Variants in IQCH observed in about 807,000 individuals in gnomAD.
IQCH encodes the protein IQ motif containing H.
A neutral mutation model predicts 117.0 loss-of-function variants in IQCH; 98 were observed. That is an observed-to-expected ratio of 0.84 (90% CI 0.71 to 0.99). IQCH has a LOEUF of 0.99. Ranked by LOEUF, IQCH falls within the 50% of genes least tolerant of loss-of-function variation. The pLI, the probability that IQCH is intolerant of heterozygous loss-of-function variation, is 0.00. For missense variants in IQCH, 1,102 were observed against 1,243.8 expected, an observed-to-expected ratio of 0.89 and a Z score of 1.72; for synonymous variants, 412 against 448.2, an observed-to-expected ratio of 0.92 and a Z score of 1.02.
intron 4 of IQCH, chr15:67,304,387 C>T: frequency 6.5e-7 from 1 of 1,534,696 alleles, no homozygotes; most frequent in South Asian, 1.2e-5. Context: ...TGAAAACATC[C>T]ACCACAGAGC....
In IQCH at chr15:67,479,627, T is replaced by G. The variant is rs1329995132; in HGVS notation, c.2799+3809T>G. Among the ~76,000 whole-genome samples the G allele has an allele frequency of 6.6e-6, 1 of 152,180 alleles. No individual in the cohort carries two copies. The highest frequency in any genetic ancestry group is 2.4e-5 in the African/African-American group (1 of 41,442). ...GTTTAACAATTAATTTCCCTAAAAT[T>G]TTATTGCCTGTTTGGGTTATGCTGA... On this transcript the variant is annotated intron_variant, in intron 18 of 20. Transcript: ENST00000335894. This position sits in a 1 kb window ranked among gnomAD's most constrained non-coding sequence, Gnocchi z 4.6.
intron 3 of IQCH, among the ~76,000 whole-genome samples, chr15:67,269,876 A>G (rs12901789): frequency 1.3e-4 from 20 of 152,012 alleles, no homozygotes; most frequent in Non-Finnish European, 2.9e-4. Context: ...TTCTTTATCC[A>G]TTCATCCATT....
Position 67,395,195 on chromosome 15 carries a change from A to G in IQCH, c.1633-96A>G. The G allele has an allele frequency of 7.7e-7, 1 of 1,299,332 alleles. No individual in the cohort carries two copies. The highest frequency in any genetic ancestry group is 1.1e-6 in the Non-Finnish European group (1 of 943,560). The allele number at this position is 1,299,332 out of a possible 1,614,324, so 80.5% of individuals were successfully genotyped here. On this transcript the variant is annotated intron_variant, in intron 12 of 20. Transcript: ENST00000335894. The surrounding 1 kb of genome is among the most constrained non-coding windows in gnomAD (Gnocchi z 4.0). ...AGGATAGGTCATAACCCAGCCTGCT[A>G]TTAATAATGTATTTATTATGTGCAA...
At chr15:67,302,392 G>C (rs1008477259) in intron 4 of IQCH, among the ~76,000 whole-genome samples, 5 of 152,160 alleles carry the variant, frequency 3.3e-5, no homozygotes, top group Admixed American at 6.5e-5. Flanking sequence ...CTGGAGTAGT[G>C]CTGTGAGTGT....
chr15:67,364,560 A>G lies in IQCH; in HGVS notation c.753+4675A>G, dbSNP rs1970265187. Among the ~76,000 whole-genome samples the G allele has an allele frequency of 6.6e-6, 1 of 152,164 alleles. No individual in the cohort carries two copies. The highest frequency in any genetic ancestry group is 2.4e-5 in the African/African-American group (1 of 41,438). On this transcript the variant is annotated intron_variant, in intron 8 of 20. Coordinates refer to ENST00000335894, the MANE Select transcript of IQCH (RefSeq NM_001031715.3). The surrounding 1 kb of genome is among the most constrained non-coding windows in gnomAD (Gnocchi z 4.1). ...AATAATTTTGCTTATATACAACAGA[A>G]AAAAGGTTAAATTATCAGCCAACAA...
intron 4 of IQCH, among the ~76,000 whole-genome samples, chr15:67,332,241 A>G (rs1968697881): frequency 6.6e-6 from 1 of 152,200 alleles, no homozygotes; most frequent in Non-Finnish European, 1.5e-5. Flanking sequence ...TAACATACAA[A>G]TATATTTTAG....
intron 3 of IQCH, among the ~76,000 whole-genome samples, chr15:67,270,074 G>C (rs947695522): frequency 2.0e-5 from 3 of 152,148 alleles, no homozygotes; most frequent in Non-Finnish European, 4.4e-5. Flanking sequence ...GTTTTCCATA[G>C]TGGGTATACT....
intron 1 of IQCH, among the ~76,000 whole-genome samples, chr15:67,256,778 C>T (rs1669735427): frequency 6.6e-6 from 1 of 152,202 alleles, no homozygotes. Flanking sequence ...TGTTGATCTG[C>T]ACCCCTACTT....
chr15:67,475,890 G>T lies in IQCH; in HGVS notation c.2799+72G>T. On this transcript the variant is annotated intron_variant, in intron 18 of 20. Transcript: ENST00000335894. This position sits in a 1 kb window ranked among gnomAD's most constrained non-coding sequence, Gnocchi z 5.7. Reference sequence around the variant, plus strand: ...GGGTGATCTAGGTAGCTAATAATTTGGTGCCCCTTCAGATAGATATTCTTT... The same window carrying T: ...GGGTGATCTAGGTAGCTAATAATTTTGTGCCCCTTCAGATAGATATTCTTT... The T allele has an allele frequency of 7.3e-7, 1 of 1,370,668 alleles. No individual in the cohort carries two copies. Among genetic ancestry groups the T allele is most frequent in the Non-Finnish European group, 1.0e-6 (1 of 970,514 alleles). 84.9% of individuals were successfully genotyped at this position (1,370,668 alleles called of 1,614,324 possible). A position where few individuals can be genotyped will look rare whatever the true frequency, so the allele number is the denominator to read the frequency against.
rs151113953 is a variant in IQCH at position 67,407,888 on chromosome 15, G to A, written c.2097+7583G>A. 25 of 152,338 alleles carry A rather than the reference G, an allele frequency of 1.6e-4. No homozygotes were observed. Among genetic ancestry groups the A allele is most frequent in the African/African-American group, 5.8e-4 (24 of 41,568 alleles). 9.4% of individuals were successfully genotyped at this position (152,338 alleles called of 1,614,324 possible). A position where few individuals can be genotyped will look rare whatever the true frequency, so the allele number is the denominator to read the frequency against. On this transcript the variant is annotated intron_variant, in intron 14 of 20. Coordinates refer to ENST00000335894, the MANE Select transcript of IQCH (RefSeq NM_001031715.3). The surrounding 1 kb of genome is among the most constrained non-coding windows in gnomAD (Gnocchi z 5.3). ...ATAGCATTATTGTGGTGAGAGTGTA[G>A]GAGTTGTAATTGTTGTGGTATCAGA...
At chr15:67,470,420 C>T (rs1005264422) in intron 17 of IQCH, among the ~76,000 whole-genome samples, 2 of 152,134 alleles carry the variant, frequency 1.3e-5, no homozygotes, top group East Asian at 1.9e-4. Context: ...CCTCATGATC[C>T]GCCCCCATCA....
intron 3 of IQCH, among the ~76,000 whole-genome samples, chr15:67,271,719 C>A (rs1347817599): frequency 2.0e-5 from 3 of 152,076 alleles, no homozygotes; most frequent in Non-Finnish European, 4.4e-5. Flanking sequence ...TATAGTTGTT[C>A]ATAATAGTCT....
Position 67,422,566 on chromosome 15 carries a change from C to T in IQCH, c.2505+989C>T, listed in dbSNP as rs2081776595. On this transcript the variant is annotated intron_variant, in intron 16 of 20. Coordinates refer to ENST00000335894, the MANE Select transcript of IQCH (RefSeq NM_001031715.3). The surrounding 1 kb of genome is among the most constrained non-coding windows in gnomAD (Gnocchi z 4.7). ...TTCCCTTTCATCTCTATGCTTTCATCACACATGGATACACCCAAAAATAAT... is the reference window on the plus strand; with the variant it reads ...TTCCCTTTCATCTCTATGCTTTCATTACACATGGATACACCCAAAAATAAT... Among the ~76,000 whole-genome samples the T allele has an allele frequency of 6.6e-6, 1 of 152,140 alleles. No homozygotes were observed. Among genetic ancestry groups the T allele is most frequent in the Non-Finnish European group, 1.5e-5 (1 of 68,016 alleles).
At chr15:67,414,348 G>A (rs1334112461) in intron 14 of IQCH, among the ~76,000 whole-genome samples, 1 of 152,170 alleles carries the variant, frequency 6.6e-6, no homozygotes, top group Non-Finnish European at 1.5e-5. Flanking sequence ...AGAGCACGGA[G>A]AAAGCTTTCT....
chr15:67,321,102 A>T (rs1471359062), intron 4 of IQCH, among the ~76,000 whole-genome samples: 1 of 152,132 alleles, frequency 6.6e-6, no homozygotes, highest in Non-Finnish European at 1.5e-5. Context: ...TTTCTAGACT[A>T]TATTACATAC....
intron 18 of IQCH, among the ~76,000 whole-genome samples, chr15:67,483,948 T>A (rs902926504): frequency 3.3e-5 from 5 of 152,230 alleles, no homozygotes; most frequent in Non-Finnish European, 7.3e-5. Flanking sequence ...TAGGAGTTCA[T>A]GTCCTGCTAA....
Position 67,413,668 on chromosome 15 carries a change from C to T in IQCH, c.2098-3263C>T, listed in dbSNP as rs2140899989. The T allele has an allele frequency of 6.6e-6, 1 of 152,324 alleles. No homozygotes were observed. Among genetic ancestry groups the T allele is most frequent in the East Asian group, 1.9e-4 (1 of 5,184 alleles). The allele number at this position is 152,324 out of a possible 1,614,324, so 9.4% of individuals were successfully genotyped here. A position where few individuals can be genotyped will look rare whatever the true frequency, so the allele number is the denominator to read the frequency against. On this transcript the variant is annotated intron_variant, in intron 14 of 20. Coordinates refer to ENST00000335894, the MANE Select transcript of IQCH (RefSeq NM_001031715.3). This position sits in a 1 kb window ranked among gnomAD's most constrained non-coding sequence, Gnocchi z 5.0. ...ATTAAACAGTTAATACCCCTCTCCT[C>T]TTACCTCGCATTATTCCTCTCCATG...
Position 67,472,868 on chromosome 15 carries a change from C to T in IQCH, c.2677-2828C>T, listed in dbSNP as rs1159603971. 1.3e-5 allele frequency among the ~76,000 whole-genome samples: 2 copies of T among 152,156 alleles called. No homozygotes were observed. The highest frequency in any genetic ancestry group is 1.9e-4 in the East Asian group (1 of 5,188). On this transcript the variant is annotated intron_variant, in intron 17 of 20. Coordinates refer to ENST00000335894, the MANE Select transcript of IQCH (RefSeq NM_001031715.3). This position sits in a 1 kb window ranked among gnomAD's most constrained non-coding sequence, Gnocchi z 4.3. ...CTTCAGATTCTTTATGCATCACAAA[C>T]CCCAGTCTGGGAGGAAGGGGAGTTG... is the stretch of plus-strand genomic sequence containing the variant.
chr15:67,471,135 G>GT (rs2083061290), intron 17 of IQCH, among the ~76,000 whole-genome samples: 2 of 151,846 alleles, frequency 1.3e-5, no homozygotes, highest in East Asian at 3.9e-4. Context: ...GTTGTTTTCA[G>GT]TTTTTTCATA....
Sources: allele counts gnomAD v4.1 joint callset (sites outside exome capture counted in the v4.1 genomes callset), GRCh38; gene constraint gnomAD v4.1.1; non-coding constraint Gnocchi (gnomAD v3.1); transcripts MANE v1.5; gene names NCBI Gene and HGNC (gene_info 2026-07-23, HGNC 2026-07-21).